ARNT2: variants seen among roughly 807,000 people sequenced by gnomAD.
The protein encoded by ARNT2 is ARNT protein 2.
In ARNT2, 36 loss-of-function variants were observed where a neutral mutation model predicts 91.7. The observed-to-expected ratio is 0.39, with a 90% CI of 0.30 to 0.52. ARNT2 has a LOEUF of 0.52. Ranked by LOEUF, ARNT2 falls within the 20% of genes least tolerant of loss-of-function variation. The pLI is 0.72. For missense variants in ARNT2, 775 were observed against 939.3 expected (o/e 0.83, Z 2.29); for synonymous variants, 365 against 347.1 (o/e 1.05, Z -0.57).
chr15:80,473,144 G>A (rs1212075153), intron 4 of ARNT2, among the ~76,000 whole-genome samples: 1 of 152,192 alleles, frequency 6.6e-6, no homozygotes, highest in Admixed American at 6.5e-5. Flanking sequence ...CTGAGGGCGT[G>A]AAGTAACATG....
In ARNT2 at chr15:80,536,922, G is replaced by A. The variant is rs149658668; in HGVS notation, c.878-14277G>A. Among the ~76,000 whole-genome samples the A allele has an allele frequency of 5.5e-4, 84 of 152,276 alleles. 1 individual carries two copies. The highest frequency in any genetic ancestry group is 2.0e-3 in the African/African-American group (83 of 41,560). ...ATCTTACATGACAGGCTATGGAGGA[G>A]CCTCTGCCCTGACCTGACTGCAGGG... On this transcript the variant is annotated intron_variant, in intron 8 of 18. Transcript: ENST00000303329.
intron 8 of ARNT2, among the ~76,000 whole-genome samples, chr15:80,520,380 A>G (rs1897521354): frequency 6.6e-6 from 1 of 152,212 alleles, no homozygotes; most frequent in African/African-American, 2.4e-5. Flanking sequence ...ATATAAAGAT[A>G]ACATGAAGTA....
At chr15:80,576,176 C>A (rs986785910) in intron 14 of ARNT2, among the ~76,000 whole-genome samples, 41 of 152,160 alleles carry the variant, frequency 2.7e-4, no homozygotes, top group African/African-American at 8.2e-4. Context: ...CCATCCTCTT[C>A]GCTGTTACCC....
chr15:80,546,459 G>A (rs1897992704), intron 8 of ARNT2, among the ~76,000 whole-genome samples: 1 of 152,228 alleles, frequency 6.6e-6, no homozygotes, highest in South Asian at 2.1e-4. Context: ...AGCATGGAAG[G>A]AGAGAATGTA....
At chr15:80,584,634 A>G (rs1303504310) in intron 17 of ARNT2, among the ~76,000 whole-genome samples, 1 of 152,240 alleles carries the variant, frequency 6.6e-6, no homozygotes, top group African/African-American at 2.4e-5. Flanking sequence ...CTTAAAAAAC[A>G]GGCCGTGTTT....
chr15:80,431,932 C>T (rs7184010), intron 1 of ARNT2, among the ~76,000 whole-genome samples: 51,172 of 152,042 alleles, frequency 0.34, 8,940 homozygotes, highest in Admixed American at 0.41. Flanking sequence ...CTGAAGCAAC[C>T]GGCCATTCTG....
intron 9 of ARNT2, 99 bp from the exon 10 acceptor site, chr15:80,552,541 T>A (rs745623638): frequency 2.3e-4 from 325 of 1,433,350 alleles, no homozygotes; most frequent in Non-Finnish European, 2.4e-4. Flanking sequence ...GGAAGGATCT[T>A]TGAAGTGAAA....
chr15:80,577,383 C>A (rs1898695813), intron 15 of ARNT2, among the ~76,000 whole-genome samples: 2 of 152,196 alleles, frequency 1.3e-5, no homozygotes. Context: ...TGAGCCTCAT[C>A]CTAAAGGGCA....
chr15:80,558,497 G>A (rs1369589790), intron 11 of ARNT2, among the ~76,000 whole-genome samples: 1 of 151,886 alleles, frequency 6.6e-6, no homozygotes, highest in Non-Finnish European at 1.5e-5. Flanking sequence ...GTGCTGTCAC[G>A]GCTGGCTAAT....
At chr15:80,457,627 C>A (rs1896499285) in intron 2 of ARNT2, among the ~76,000 whole-genome samples, 1 of 152,184 alleles carries the variant, frequency 6.6e-6, no homozygotes, top group Admixed American at 6.5e-5. Flanking sequence ...CAGAGCAATC[C>A]ATTGTCTGCT....
At chr15:80,514,447 G>C (rs1245632795) in intron 8 of ARNT2, 42 bp downstream of exon 8, 9 of 1,545,550 alleles carry the variant, frequency 5.8e-6, no homozygotes, top group Non-Finnish European at 8.0e-6. Context: ...ACTGGGTGCT[G>C]CTCATACCTG....
intron 12 of ARNT2, among the ~76,000 whole-genome samples, chr15:80,564,195 G>A (rs901116096): frequency 6.6e-6 from 1 of 152,136 alleles, no homozygotes; most frequent in Non-Finnish European, 1.5e-5. Context: ...ATTTTCCCCA[G>A]TTCAGCACTC....
chr15:80,572,975 T>C (rs1168345636), intron 12 of ARNT2, among the ~76,000 whole-genome samples: 1 of 152,252 alleles, frequency 6.6e-6, no homozygotes, highest in Non-Finnish European at 1.5e-5. Flanking sequence ...CAACTTTGCA[T>C]GGGTAGCTCT....
chr15:80,431,798 C>T (rs1450739442), intron 1 of ARNT2, among the ~76,000 whole-genome samples: 1 of 152,174 alleles, frequency 6.6e-6, no homozygotes, highest in African/African-American at 2.4e-5. Context: ...TGAGGGTGGG[C>T]TTTGTTCCTC....
chr15:80,526,492 A>G (rs1897642619), intron 8 of ARNT2, among the ~76,000 whole-genome samples: 1 of 152,210 alleles, frequency 6.6e-6, no homozygotes, highest in Admixed American at 6.5e-5. Flanking sequence ...CCATCGTCCG[A>G]CCTGCCTGGT....
chr15:80,532,603 C>T, intron 8 of ARNT2, among the ~76,000 whole-genome samples: 1 of 152,132 alleles, frequency 6.6e-6, no homozygotes, highest in East Asian at 1.9e-4. Flanking sequence ...TCTAAAAGGC[C>T]CTGTGAGTGG....
chr15:80,497,106 G>T (rs1176776824), intron 5 of ARNT2, among the ~76,000 whole-genome samples: 5 of 152,194 alleles, frequency 3.3e-5, no homozygotes, highest in Admixed American at 2.6e-4. Flanking sequence ...ATACTAAAAG[G>T]ATCCCTAAGG....
chr15:80,591,759 C>T lies in ARNT2; in HGVS notation c.2055+55C>T, dbSNP rs1893284245. On this transcript the variant is annotated intron_variant, in intron 18 of 18. Coordinates refer to ENST00000303329, the MANE Select transcript of ARNT2 (RefSeq NM_014862.4). The surrounding 1 kb of genome is among the most constrained non-coding windows in gnomAD (Gnocchi z 5.1). ...GGTACCGGCGCCTTCTCTCTGCTTC[C>T]TTTCCCCCTCGGTCTCTGCCGCACC... 1 of 1,605,436 alleles carries T rather than the reference C, an allele frequency of 6.2e-7. No individual in the cohort carries two copies. Among genetic ancestry groups the T allele is most frequent in the African/African-American group, 1.3e-5 (1 of 74,778 alleles).
chr15:80,450,844 G>T, intron 1 of ARNT2, 36 bp from the exon 2 acceptor site: 1 of 1,605,594 alleles, frequency 6.2e-7, no homozygotes, highest in Non-Finnish European at 8.5e-7. Flanking sequence ...GGCTTTTCTG[G>T]CATTGACAAA....
Sources: gnomAD v4.1 joint callset for allele counts (sites outside exome capture counted in the v4.1 genomes callset) on GRCh38, gnomAD v4.1.1 for gene constraint, Gnocchi (gnomAD v3.1) non-coding constraint, MANE v1.5 for transcripts, NCBI Gene and HGNC (gene_info 2026-07-23, HGNC 2026-07-21) for gene names.